Variants in TP63 observed in about 807,000 individuals in gnomAD.
The protein encoded by TP63 is tumor protein 63.
In TP63, 17 loss-of-function variants were observed where a neutral mutation model predicts 82.8. The ratio of observed to expected loss-of-function variants is 0.21; its 90% CI spans 0.14 to 0.31. The LOEUF is 0.31. Among genes scored for constraint, TP63 ranks in the 10% least tolerant of loss-of-function variants. The pLI, the probability that TP63 is intolerant of heterozygous loss-of-function variation, is 1.00. For missense variants in TP63, 648 were observed against 895.3 expected (o/e 0.72, Z 3.52); for synonymous variants, 330 against 321.7 (o/e 1.03, Z -0.28).
At chr3:189,819,641 T>G (rs1018942401) in intron 4 of TP63, among the ~76,000 whole-genome samples, 1 of 152,188 alleles carries the variant, frequency 6.6e-6, no homozygotes, top group African/African-American at 2.4e-5. Context: ...AAGTCAAGTC[T>G]TTTACAAATA....
the TP63 span, among the ~76,000 whole-genome samples, chr3:189,607,942 A>G: frequency 6.6e-6 from 1 of 152,188 alleles, no homozygotes; most frequent in Non-Finnish European, 1.5e-5. Flanking sequence ...ACTCAACAGT[A>G]TATCTAACTC....
the TP63 span, among the ~76,000 whole-genome samples, chr3:189,620,160 C>G: frequency 6.6e-6 from 1 of 152,144 alleles, no homozygotes; most frequent in African/African-American, 2.4e-5. Flanking sequence ...ACCACGAGGT[C>G]AAGAGATCGA....
At chr3:189,698,388 T>C (rs1717552193) in intron 1 of TP63, among the ~76,000 whole-genome samples, 1 of 152,174 alleles carries the variant, frequency 6.6e-6, no homozygotes, top group South Asian at 2.1e-4. Context: ...ATTTACTCCT[T>C]CCTTTCTCTT....
At chr3:189,651,507 C>G (rs1560085229) in intron 1 of TP63, among the ~76,000 whole-genome samples, 1 of 143,006 alleles carries the variant, frequency 7.0e-6, no homozygotes, top group Non-Finnish European at 1.5e-5. Flanking sequence ...GATTATTCCA[C>G]TGCATTTCAG....
chr3:189,675,414 T>C (rs913683366), intron 1 of TP63, among the ~76,000 whole-genome samples: 2 of 152,094 alleles, frequency 1.3e-5, no homozygotes, highest in African/African-American at 2.4e-5. Flanking sequence ...TTTTAAAAGA[T>C]TATAAAAATA....
rs1718059611 is a variant in TP63, at chr3:189,868,852, T to C, written c.1129+136T>C. On this transcript the variant is annotated intron_variant, in intron 8 of 13. Coordinates refer to ENST00000264731, the MANE Select transcript of TP63 (RefSeq NM_003722.5). ...GTGGGACGTCAGCCCTCAGAGCCAGTGAGAATAGGTATAGCATTGAAGTGG... is the reference window on the plus strand; with the variant it reads ...GTGGGACGTCAGCCCTCAGAGCCAGCGAGAATAGGTATAGCATTGAAGTGG... The C allele has an allele frequency of 4.4e-6, 6 of 1,356,216 alleles. No individual in the cohort carries two copies. In the Admixed American group the frequency reaches 6.8e-5, roughly 15 times the overall value. 84.0% of individuals were successfully genotyped at this position (1,356,216 alleles called of 1,614,324 possible).
intron 4 of TP63, among the ~76,000 whole-genome samples, chr3:189,847,618 A>G (rs1715059892): frequency 6.6e-6 from 1 of 152,178 alleles, no homozygotes; most frequent in South Asian, 2.1e-4. Context: ...GATTTGCATA[A>G]TGCAAAGAGC....
chr3:189,880,382 G>T, intron 10 of TP63: 1 of 1,195,866 alleles, frequency 8.4e-7, no homozygotes. Context: ...AAGAAAGGAT[G>T]TTTTCTGCAG....
At chr3:189,673,784 TA>T (rs779396137) in intron 1 of TP63, among the ~76,000 whole-genome samples, 22 of 152,270 alleles carry the variant, frequency 1.4e-4, no homozygotes, top group Non-Finnish European at 2.5e-4. Flanking sequence ...TTACTTAGCT[TA>T]AACTCAGTTT....
intron 3 of TP63, among the ~76,000 whole-genome samples, chr3:189,745,707 T>TTA (rs1272058067): frequency 7.2e-5 from 1 of 13,982 alleles, no homozygotes; most frequent in Non-Finnish European, 1.1e-4. Flanking sequence ...AAACTCCATC[T>TTA]CAAAAAAAAA....
rs940055194 is a variant in TP63 at position 189,853,223 on chromosome 3, C to G, written c.580-11009C>G. On this transcript the variant is annotated intron_variant, in intron 4 of 13. Coordinates refer to ENST00000264731, the MANE Select transcript of TP63 (RefSeq NM_003722.5). ...TTTGTTCCACAAAGTCTGTCCTTCA[C>G]ATAACAGCTACAGTAGTCTTATAGA... 3.9e-5 allele frequency among the ~76,000 whole-genome samples: 6 copies of G among 152,328 alleles called. No individual in the cohort carries two copies. The East Asian group carries it at 1.2e-3, about 29-fold the overall frequency.
chr3:189,680,184 G>T (rs13316050), intron 1 of TP63, among the ~76,000 whole-genome samples: 1 of 151,912 alleles, frequency 6.6e-6, no homozygotes, highest in Non-Finnish European at 1.5e-5. Flanking sequence ...GATATCTTTT[G>T]GGTGTTTGGA....
At chr3:189,682,551 AAAATATATATATATATAT>A (rs1290181331) in intron 1 of TP63, among the ~76,000 whole-genome samples, 3,321 of 30,818 alleles carry the variant, frequency 0.11, 146 homozygotes, top group Non-Finnish European at 0.14. Flanking sequence ...AAAAAAAAAA[AAAATATATATATATATAT>A]ATATATATAT....
intron 1 of TP63, among the ~76,000 whole-genome samples, chr3:189,695,039 T>C (rs938207782): frequency 7.2e-5 from 11 of 151,856 alleles, no homozygotes; most frequent in African/African-American, 2.7e-4. Flanking sequence ...ACTCCTCAGG[T>C]GACCTGCCCA....
At chr3:189,670,311 C>T (rs989407911) in intron 1 of TP63, among the ~76,000 whole-genome samples, 4 of 151,986 alleles carry the variant, frequency 2.6e-5, no homozygotes, top group African/African-American at 9.7e-5. Flanking sequence ...ACATTACCAA[C>T]CAACTTGAAC....
At chr3:189,868,285 C>G (rs1168130717) in intron 7 of TP63, among the ~76,000 whole-genome samples, 1 of 152,174 alleles carries the variant, frequency 6.6e-6, no homozygotes, top group African/African-American at 2.4e-5. Flanking sequence ...ATCCTTGAGA[C>G]ATCCACTGGC....
chr3:189,695,145 G>T (rs1717274339), intron 1 of TP63, among the ~76,000 whole-genome samples: 1 of 151,870 alleles, frequency 6.6e-6, no homozygotes, highest in African/African-American at 2.4e-5. Flanking sequence ...CTGCATGGGA[G>T]ACGTCTTTTT....
At chr3:189,698,355 C>T (rs555905785) in intron 1 of TP63, among the ~76,000 whole-genome samples, 4 of 152,122 alleles carry the variant, frequency 2.6e-5, no homozygotes, top group Admixed American at 6.6e-5. Flanking sequence ...ATTGAAATGT[C>T]ACTAGAAATT....
At chr3:189,784,281 C>A (rs1232376756) in intron 3 of TP63, among the ~76,000 whole-genome samples, 1 of 151,916 alleles carries the variant, frequency 6.6e-6, no homozygotes, top group South Asian at 2.1e-4. Flanking sequence ...ACTGTTATTA[C>A]AATCATAGCA....
Sources: gnomAD v4.1 joint callset for allele counts (sites outside exome capture counted in the v4.1 genomes callset) on GRCh38, gnomAD v4.1.1 for gene constraint, MANE v1.5 for transcripts, NCBI Gene and HGNC (gene_info 2026-07-23, HGNC 2026-07-21) for gene names.